Variants in PHTF2 observed in about 807,000 individuals in gnomAD.
PHTF2 encodes the protein putative homeodomain transcription factor 2, also known as protein PHTF2.
In PHTF2, 60 loss-of-function variants were observed where a neutral mutation model predicts 101.2. That is an observed-to-expected ratio of 0.59 (90% CI 0.48 to 0.73). The LOEUF is 0.73. Among genes scored for constraint, PHTF2 ranks in the 30% least tolerant of loss-of-function variants. The pLI, the probability that PHTF2 is intolerant of heterozygous loss-of-function variation, is 0.00. For synonymous variants in PHTF2, 311 were observed against 307.3 expected (o/e 1.01, Z -0.13); for missense variants, 747 against 908.7 (o/e 0.82, Z 2.29).
At chr7:77,955,438 C>T (rs1806934095) in exon 20 of PHTF2, 1 of 152,534 alleles carries the variant, frequency 6.6e-6, no homozygotes, top group African/African-American at 2.4e-5. Context: ...AACAGGTCAA[C>T]AAGTGCTCTT....
At chr7:77,805,949 C>T (rs1305542098) in intron 1 of PHTF2, among the ~76,000 whole-genome samples, 11 of 152,084 alleles carry the variant, frequency 7.2e-5, no homozygotes, top group Non-Finnish European at 7.4e-5. Flanking sequence ...CCGAGGCAGG[C>T]GGGTCATTTG....
chr7:77,892,951 T>C (rs1800564247), intron 3 of PHTF2, among the ~76,000 whole-genome samples: 1 of 152,230 alleles, frequency 6.6e-6, no homozygotes, highest in African/African-American at 2.4e-5. Context: ...ACTTGTCTTC[T>C]TTAAAAATAA....
Position 77,914,113 on chromosome 7 carries a change from A to G in PHTF2, c.776+3704A>G, listed in dbSNP as rs116513745. On this transcript the variant is annotated intron_variant, in intron 9 of 19. Transcript: ENST00000416283. The stretch of plus-strand genomic sequence containing the variant: ...AAAAAAGAAATATCTAATAAGTACC[A>G]TCCTAAGCCAGGCATTGAGTCACAT... 7.0e-3 allele frequency among the ~76,000 whole-genome samples: 1,067 copies of G among 151,956 alleles called. 17 individuals are homozygous for G. Among genetic ancestry groups the G allele is most frequent in the African/African-American group, 0.025 (1,025 of 41,422 alleles).
chr7:77,929,194 CAGA>C, exon 12 of PHTF2: 1 of 1,613,556 alleles, frequency 6.2e-7, no homozygotes, highest in African/African-American at 1.3e-5. Flanking sequence ...GAATCTGAAA[CAGA>C]AGATGTGTTA....
intron 3 of PHTF2, among the ~76,000 whole-genome samples, chr7:77,876,669 G>A (rs1029011888): frequency 7.9e-5 from 12 of 152,088 alleles, no homozygotes; most frequent in Non-Finnish European, 1.8e-4. Context: ...AAAGAGGAAG[G>A]ATCACTTGCG....
At chr7:77,908,841 C>A (rs1461257851) in exon 8 of PHTF2, 2 of 1,612,214 alleles carry the variant, frequency 1.2e-6, no homozygotes, top group African/African-American at 1.3e-5. Flanking sequence ...CACAGCATAC[C>A]TCTGACAGAG....
At chr7:77,851,825 A>G (rs529506810) in intron 2 of PHTF2, among the ~76,000 whole-genome samples, 6 of 151,974 alleles carry the variant, frequency 3.9e-5, no homozygotes, top group African/African-American at 1.4e-4. Context: ...AACTTTTTTG[A>G]TATAGGGGCT....
intron 1 of PHTF2, among the ~76,000 whole-genome samples, chr7:77,834,656 G>A (rs1795314762): frequency 6.6e-6 from 1 of 152,148 alleles, no homozygotes; most frequent in Non-Finnish European, 1.5e-5. Flanking sequence ...TGGCTAGATG[G>A]CACTTGGGGA....
Position 77,940,253 on chromosome 7 carries a change from T to C in PHTF2, c.1691T>C (p.Val564Ala), listed in dbSNP as rs1259116745. Reference sequence around the variant, plus strand: ...AGTTTTGTGGTTCGCGTGTCTCTTGTGTGGATTTTCTTTTTTTTGCTCTGT... The same window carrying C: ...AGTTTTGTGGTTCGCGTGTCTCTTGCGTGGATTTTCTTTTTTTTGCTCTGT... Residue 564 changes from valine to alanine, a missense_variant, in exon 14 of 20, where the codon GTG becomes GCG. Val to Ala is a moderately conservative substitution (Grantham distance 64, BLOSUM62 0). This residue lies in a region of PHTF2 where 188 missense variants were observed against 286.5 expected (regional missense o/e 0.66). Transcript: ENST00000416283. 2.5e-6 allele frequency: 4 copies of C among 1,613,698 alleles called. No individual in the cohort carries two copies. In the South Asian group the frequency reaches 3.3e-5, roughly 13 times the overall value.
At chr7:77,915,558 A>AT (rs1287694387) in intron 9 of PHTF2, among the ~76,000 whole-genome samples, 1 of 152,136 alleles carries the variant, frequency 6.6e-6, no homozygotes, top group Admixed American at 6.5e-5. Flanking sequence ...GCTTTTCAAA[A>AT]TCTAGGAGTA....
intron 2 of PHTF2, chr7:77,854,693 C>CA: frequency 1.4e-6 from 1 of 701,650 alleles, no homozygotes; most frequent in Non-Finnish European, 2.6e-6. Flanking sequence ...AGCCACAAGA[C>CA]AAAGTTTTTT....
intron 1 of PHTF2, among the ~76,000 whole-genome samples, chr7:77,821,320 A>G (rs1794272993): frequency 6.6e-6 from 1 of 152,106 alleles, no homozygotes; most frequent in African/African-American, 2.4e-5. Context: ...GAGAGGATCT[A>G]TTTGGGTTGC....
At chr7:77,827,265 G>A (rs577186251) in intron 1 of PHTF2, among the ~76,000 whole-genome samples, 53 of 152,232 alleles carry the variant, frequency 3.5e-4, no homozygotes, top group African/African-American at 1.2e-3. Flanking sequence ...TAAATAACTC[G>A]TGTGGCAAGA....
chr7:77,824,973 G>A (rs1343948237), intron 1 of PHTF2, among the ~76,000 whole-genome samples: 1 of 152,092 alleles, frequency 6.6e-6, no homozygotes, highest in African/African-American at 2.4e-5. Context: ...AGGAGTTTGA[G>A]GTTGAAGTGA....
chr7:77,868,753 A>G (rs1798282917), intron 3 of PHTF2, among the ~76,000 whole-genome samples: 1 of 152,210 alleles, frequency 6.6e-6, no homozygotes, highest in African/African-American at 2.4e-5. Context: ...ATGCTTGCAG[A>G]TGGAATCCAA....
At chr7:77,884,735 A>G (rs1382436752) in intron 3 of PHTF2, among the ~76,000 whole-genome samples, 1 of 152,106 alleles carries the variant, frequency 6.6e-6, no homozygotes, top group Non-Finnish European at 1.5e-5. Context: ...CGTCTTTACC[A>G]AAAATGTTAA....
At chr7:77,902,416 T>C (rs1293794728) in intron 7 of PHTF2, among the ~76,000 whole-genome samples, 1 of 152,202 alleles carries the variant, frequency 6.6e-6, no homozygotes, top group African/African-American at 2.4e-5. Context: ...ACTGTTACTA[T>C]GCTTCGCTTA....
intron 1 of PHTF2, among the ~76,000 whole-genome samples, chr7:77,816,675 T>C (rs1793879578): frequency 6.6e-6 from 1 of 152,202 alleles, no homozygotes; most frequent in African/African-American, 2.4e-5. Flanking sequence ...ATTCTTCCTA[T>C]CTAACTGTGA....
chr7:77,856,097 A>G (rs1797159133), intron 3 of PHTF2, among the ~76,000 whole-genome samples: 1 of 152,014 alleles, frequency 6.6e-6, no homozygotes, highest in Non-Finnish European at 1.5e-5. Flanking sequence ...AGTTTTTTTT[A>G]CCAGGTGTGA....
Sources: gnomAD v4.1 joint callset for allele counts (sites outside exome capture counted in the v4.1 genomes callset) on GRCh38, gnomAD v4.1.1 for gene constraint, gnomAD v4.1.1 regional missense constraint, MANE v1.5 for transcripts, NCBI Gene and HGNC (gene_info 2026-07-23, HGNC 2026-07-21) for gene names.